The following NBEA variants were observed in gnomAD, a reference collection of about 807,000 sequenced individuals.
NBEA encodes the protein lysosomal-trafficking regulator 2.
A neutral mutation model predicts 343.4 loss-of-function variants in NBEA; 44 were observed. The observed-to-expected ratio is 0.13, with a 90% confidence interval of 0.10 to 0.16. The LOEUF (loss-of-function observed/expected upper bound fraction) is 0.16. Ranked by LOEUF, NBEA falls within the 10% of genes least tolerant of loss-of-function variation. The pLI is 1.00. For missense variants in NBEA, 2,555 were observed against 3,631.3 expected, an observed-to-expected ratio of 0.70 and a Z score of 7.62; for synonymous variants, 1,175 against 1,238.7, an observed-to-expected ratio of 0.95 and a Z score of 1.08.
At chr13:35,205,292 C>G (rs1593739351) in intron 31 of NBEA, among the ~76,000 whole-genome samples, 1 of 152,118 alleles carries the variant, frequency 6.6e-6, no homozygotes, top group African/African-American at 2.4e-5. Context: ...TCCTGCTTCT[C>G]TCAACTAAAC....
chr13:35,563,132 GAGATAGATAGAT>G lies in NBEA; in HGVS notation c.6923-3739_6923-3728del, dbSNP rs3075543. Among the ~76,000 whole-genome samples, 624 of 123,576 alleles carry G rather than the reference GAGATAGATAGAT, an allele frequency of 5.0e-3. 4 individuals carry two copies. Among genetic ancestry groups the G allele is most frequent in the African/African-American group, 0.015 (557 of 38,408 alleles). The allele number at this position is 123,576 out of a possible 152,430, so 81.1% of individuals were successfully genotyped here. On this transcript the variant is annotated intron_variant, in intron 44 of 58. Transcript: ENST00000379939. ...TAAAGTGTATGTGTGTGTGTGTGTG[GAGATAGATAGAT>G]AGATAGATAGATAGATAGATAGATA... is the stretch of plus-strand genomic sequence containing the variant.
intron 56 of NBEA, 58 bp from the exon 57 acceptor site, chr13:35,667,316 G>A (rs1024405048): frequency 4.9e-6 from 7 of 1,424,192 alleles, no homozygotes; most frequent in Non-Finnish European, 6.9e-6. Context: ...GTTGGTGGGA[G>A]CTAGTATGTC....
chr13:35,308,452 A>ATATATATATATATATATATATATATG (rs2037064962), intron 35 of NBEA, among the ~76,000 whole-genome samples: 2 of 117,712 alleles, frequency 1.7e-5, no homozygotes, highest in East Asian at 4.7e-4. Context: ...ATATATATAT[A>ATATATATATATATATATATATATATG]TATATATATA....
intron 41 of NBEA, among the ~76,000 whole-genome samples, chr13:35,505,181 G>A (rs1210029289): frequency 1.3e-5 from 2 of 152,094 alleles, no homozygotes; most frequent in Admixed American, 6.6e-5. Flanking sequence ...TTGGAATCAT[G>A]CTTACTATGT....
At chr13:35,320,640 C>T (rs188488283) in intron 36 of NBEA, among the ~76,000 whole-genome samples, 1 of 152,188 alleles carries the variant, frequency 6.6e-6, no homozygotes, top group Admixed American at 6.5e-5. Flanking sequence ...GAATATTGGC[C>T]TGTCTTGCTA....
intron 47 of NBEA, among the ~76,000 whole-genome samples, chr13:35,597,310 T>G (rs2153045773): frequency 6.6e-6 from 1 of 152,332 alleles, no homozygotes. Flanking sequence ...TAATGTTCAT[T>G]TTGCCATTTC....
chr13:35,294,496 G>T (rs2035990759), intron 35 of NBEA, among the ~76,000 whole-genome samples: 2 of 152,042 alleles, frequency 1.3e-5, no homozygotes, highest in African/African-American at 4.8e-5. Context: ...GGATGGAGTA[G>T]ATGTTTTTTC....
At chr13:35,593,267 A>C (rs1251923997) in intron 46 of NBEA, 61 bp from the exon 47 acceptor site, 1 of 1,572,194 alleles carries the variant, frequency 6.4e-7, no homozygotes, top group African/African-American at 1.4e-5. Flanking sequence ...CATGTTTCAC[A>C]AAGGAACGAG....
At chr13:35,270,972 C>T (rs890287356) in intron 34 of NBEA, among the ~76,000 whole-genome samples, 1 of 152,226 alleles carries the variant, frequency 6.6e-6, no homozygotes, top group African/African-American at 2.4e-5. Context: ...ACGTCCCTGC[C>T]TGACAGCACC....
chr13:35,358,644 G>GC (rs2040630556), intron 38 of NBEA, among the ~76,000 whole-genome samples: 1 of 151,990 alleles, frequency 6.6e-6, no homozygotes, highest in South Asian at 2.1e-4. Flanking sequence ...CTTGAACCTG[G>GC]GAGGCAGAGG....
chr13:35,222,356 A>G (rs1421463705), intron 33 of NBEA, among the ~76,000 whole-genome samples: 1 of 151,990 alleles, frequency 6.6e-6, no homozygotes, highest in Non-Finnish European at 1.5e-5. Context: ...TTATACTTAA[A>G]GCAGTTCTGC....
chr13:35,401,555 C>T (rs1168314448), intron 38 of NBEA, among the ~76,000 whole-genome samples: 1 of 151,934 alleles, frequency 6.6e-6, no homozygotes, highest in African/African-American at 2.4e-5. Context: ...TCAAGTCTTC[C>T]TAAGTGTATT....
intron 35 of NBEA, among the ~76,000 whole-genome samples, chr13:35,304,013 A>G (rs1023418791): frequency 2.0e-5 from 3 of 152,222 alleles, no homozygotes; most frequent in Non-Finnish European, 4.4e-5. Context: ...AACAAATGAA[A>G]TAGTGATAGT....
intron 1 of NBEA, among the ~76,000 whole-genome samples, chr13:35,000,215 A>G (rs1409884833): frequency 6.6e-6 from 1 of 152,176 alleles, no homozygotes. Flanking sequence ...ATACTCTAGC[A>G]AGAAGGGCAA....
intron 35 of NBEA, among the ~76,000 whole-genome samples, chr13:35,292,015 G>A (rs976884212): frequency 1.3e-5 from 2 of 151,910 alleles, no homozygotes; most frequent in Non-Finnish European, 2.9e-5. Flanking sequence ...CCTCATTTAA[G>A]TAACTTAAGA....
At chr13:35,126,496 C>G (rs1026362238) in intron 17 of NBEA, among the ~76,000 whole-genome samples, 9 of 151,888 alleles carry the variant, frequency 5.9e-5, no homozygotes, top group African/African-American at 1.9e-4. Flanking sequence ...AGGCAAAACT[C>G]TGGCTAGTAG....
At chr13:35,197,013 T>TA (rs1016988811) in intron 31 of NBEA, among the ~76,000 whole-genome samples, 1 of 152,140 alleles carries the variant, frequency 6.6e-6, no homozygotes, top group African/African-American at 2.4e-5. Flanking sequence ...ATACATTCAA[T>TA]AAAAATGATA....
chr13:35,619,824 T>C (rs1048366760), intron 48 of NBEA, among the ~76,000 whole-genome samples: 1 of 152,172 alleles, frequency 6.6e-6, no homozygotes, highest in Admixed American at 6.5e-5. Flanking sequence ...TTTCTCAAAT[T>C]GAGGACTTGT....
intron 49 of NBEA, among the ~76,000 whole-genome samples, chr13:35,632,478 G>A (rs2083493408): frequency 1.3e-5 from 2 of 151,784 alleles, no homozygotes; most frequent in African/African-American, 4.8e-5. Context: ...AGGTGTGTTA[G>A]AATCATTTGG....
Sources: allele counts gnomAD v4.1 joint callset (sites outside exome capture counted in the v4.1 genomes callset), GRCh38; gene constraint gnomAD v4.1.1; transcripts MANE v1.5; gene names NCBI Gene and HGNC (gene_info 2026-07-23, HGNC 2026-07-21).